The following FAM163A variants were observed in gnomAD, a reference collection of about 807,000 sequenced individuals.
FAM163A encodes family with sequence similarity 163 member A.
In FAM163A, 7 loss-of-function variants were observed where a neutral mutation model predicts 12.0. That is an observed-to-expected ratio of 0.58 (90% confidence interval 0.33 to 1.10). The LOEUF is 1.10. Among genes scored for constraint, FAM163A ranks in the 50% least tolerant of loss-of-function variants. FAM163A has a pLI of 0.03. For synonymous variants in FAM163A, 101 were observed against 91.0 expected, an observed-to-expected ratio of 1.11 and a Z score of -0.62; for missense variants, 202 against 218.6, an observed-to-expected ratio of 0.92 and a Z score of 0.48.
chr1:179,747,174 A>AG (rs376132542), intron 1 of FAM163A, among the ~76,000 whole-genome samples: 3 of 152,272 alleles, frequency 2.0e-5, no homozygotes, highest in African/African-American at 7.2e-5. Flanking sequence ...TTGGAAAAAA[A>AG]AAAAAAAGGT....
At chr1:179,734,595 C>T in the FAM163A span, among the ~76,000 whole-genome samples, 10 of 152,168 alleles carry the variant, frequency 6.6e-5, no homozygotes, top group Admixed American at 2.6e-4. Context: ...TGTGTCCTCA[C>T]GTGCTGGATG....
At chr1:179,740,146 A>T (rs1377875973), upstream of FAM163A, among the ~76,000 whole-genome samples, 1 of 151,006 alleles carries the variant, frequency 6.6e-6, no homozygotes, top group Non-Finnish European at 1.5e-5. Flanking sequence ...CCTGTAAACA[A>T]ATGTTTGTGG....
intron 1 of FAM163A, among the ~76,000 whole-genome samples, chr1:179,793,847 C>T (rs1203831962): frequency 6.6e-6 from 1 of 152,252 alleles, no homozygotes; most frequent in Non-Finnish European, 1.5e-5. Context: ...CCACCACATG[C>T]TGGGTGGCTG....
intron 1 of FAM163A, among the ~76,000 whole-genome samples, chr1:179,748,179 A>G (rs1684767964): frequency 6.6e-6 from 1 of 152,150 alleles, no homozygotes; most frequent in African/African-American, 2.4e-5. Context: ...TCTCATTGCA[A>G]ACCTCCTCCC....
chr1:179,805,917 T>G (rs949472492), intron 1 of FAM163A, among the ~76,000 whole-genome samples: 2 of 151,952 alleles, frequency 1.3e-5, no homozygotes, highest in African/African-American at 4.8e-5. Context: ...CTTCCAGGAG[T>G]CTTTTGCAAC....
chr1:179,813,357 A>G (rs1346370769), intron 4 of FAM163A, among the ~76,000 whole-genome samples, 167 bp downstream of exon 4: 1 of 152,068 alleles, frequency 6.6e-6, no homozygotes, highest in Non-Finnish European at 1.5e-5. Context: ...GTCGGAAGGG[A>G]GCTAAGTGCC....
the FAM163A span, among the ~76,000 whole-genome samples, chr1:179,737,959 C>T: frequency 3.9e-5 from 6 of 152,202 alleles, no homozygotes; most frequent in Middle Eastern, 3.4e-3. Flanking sequence ...AGATTGAATA[C>T]GTTAAATAGG....
At chr1:179,810,079 C>T (rs936985796) in intron 2 of FAM163A, among the ~76,000 whole-genome samples, 1 of 152,090 alleles carries the variant, frequency 6.6e-6, no homozygotes, top group African/African-American at 2.4e-5. Context: ...ATTAAGTACC[C>T]GGTATGTGTC....
upstream of FAM163A, chr1:179,742,243 C>T (rs139155902): frequency 6.6e-6 from 1 of 152,328 alleles, no homozygotes; most frequent in East Asian, 1.9e-4. Context: ...TCTTACTCCC[C>T]TTCTTTAGAA....
chr1:179,741,631 G>A (rs1300873525), upstream of FAM163A, among the ~76,000 whole-genome samples: 1 of 152,210 alleles, frequency 6.6e-6, no homozygotes, highest in South Asian at 2.1e-4. Flanking sequence ...TGCCACAAAA[G>A]TAGATGACTC....
At chr1:179,789,963 G>A (rs531606619) in intron 1 of FAM163A, among the ~76,000 whole-genome samples, 23 of 152,148 alleles carry the variant, frequency 1.5e-4, no homozygotes, top group Non-Finnish European at 2.9e-4. Flanking sequence ...GTGGGCAATA[G>A]CAACCCCCAG....
chr1:179,745,827 C>T (rs950575912), intron 1 of FAM163A, among the ~76,000 whole-genome samples: 1 of 152,208 alleles, frequency 6.6e-6, no homozygotes, highest in African/African-American at 2.4e-5. Context: ...AAGCCCAGGT[C>T]TCTTTGGTTC....
At position 179,814,113 on chromosome 1, in the gene FAM163A, A is replaced by G. The variant is rs1695079733; in HGVS notation, c.428A>G (p.Gln143Arg). 3 of 1,614,198 alleles carry G rather than the reference A, an allele frequency of 1.9e-6. No individual in the cohort carries two copies. The highest frequency in any genetic ancestry group is 2.2e-5 in the East Asian group (1 of 44,870). Residue 143 changes from glutamine (Q) to arginine (R), a missense_variant, in exon 5 of 5, where the codon CAG becomes CGG. Transcript: ENST00000341785. ...CCATCCCTCAAATTGGCAGCACCCC[A>G]GAGTTACCCGGTGACCTGGCCAGGC... ...GPPSLKLAAP[Q>R]SYPVTWPGSG...
At chr1:179,789,112 A>C (rs771237627) in intron 1 of FAM163A, among the ~76,000 whole-genome samples, 1 of 152,260 alleles carries the variant, frequency 6.6e-6, no homozygotes, top group Non-Finnish European at 1.5e-5. Flanking sequence ...ACAACTTGAA[A>C]TAAGTAAAAT....
chr1:179,758,638 T>C (rs1442652793), intron 1 of FAM163A, among the ~76,000 whole-genome samples: 1 of 152,268 alleles, frequency 6.6e-6, no homozygotes, highest in Non-Finnish European at 1.5e-5. Context: ...AGCTGCTTCA[T>C]TAGTGTTCCT....
intron 1 of FAM163A, among the ~76,000 whole-genome samples, chr1:179,784,007 G>A (rs1690234144): frequency 6.6e-6 from 1 of 151,956 alleles, no homozygotes. Context: ...TGGAATAGAA[G>A]TCCCAAGGGA....
At chr1:179,799,755 G>A (rs548914804) in intron 1 of FAM163A, among the ~76,000 whole-genome samples, 1 of 152,346 alleles carries the variant, frequency 6.6e-6, no homozygotes, top group East Asian at 1.9e-4. Context: ...TGGCCTCTCT[G>A]AAGCAGAGCA....
intron 2 of FAM163A, among the ~76,000 whole-genome samples, chr1:179,808,280 A>G (rs1694231045): frequency 1.3e-5 from 2 of 152,242 alleles, no homozygotes; most frequent in Admixed American, 6.5e-5. Flanking sequence ...AGATTCAAGA[A>G]TGTATTCGTT....
chr1:179,736,673 C>T, the FAM163A span, among the ~76,000 whole-genome samples: 34 of 151,890 alleles, frequency 2.2e-4, no homozygotes, highest in African/African-American at 7.5e-4. Flanking sequence ...ATTAGCCAGG[C>T]GCGGTGGCAG....
Sources: gnomAD v4.1 joint callset for allele counts (sites outside exome capture counted in the v4.1 genomes callset) on GRCh38, gnomAD v4.1.1 for gene constraint, MANE v1.5 for transcripts, NCBI Gene and HGNC (gene_info 2026-07-23, HGNC 2026-07-21) for gene names.